The following ZBTB38 variants were observed in gnomAD, a reference collection of about 807,000 sequenced individuals.
The protein encoded by ZBTB38 is zinc finger and BTB domain containing 38.
In ZBTB38, 20 loss-of-function variants were observed where a neutral mutation model predicts 76.8. That is an observed-to-expected ratio of 0.26 (90% CI 0.18 to 0.38). The LOEUF (loss-of-function observed/expected upper bound fraction) is 0.38. Ranked by LOEUF, ZBTB38 falls within the 10% of genes least tolerant of loss-of-function variation. ZBTB38 has a pLI of 1.00. For missense variants in ZBTB38, 1,082 were observed against 1,482.3 expected, an observed-to-expected ratio of 0.73 and a Z score of 4.43; for synonymous variants, 504 against 544.2, an observed-to-expected ratio of 0.93 and a Z score of 1.03.
chr3:141,444,797 C>T lies in ZBTB38; in HGVS notation c.2409C>T (p.Ser803=). ...NYVADPGGSL[S]KTTNIAEETS... ...TTGCTGATCCTGGAGGATCACTGAG[C>T]AAAACCACAAATATTGCTGAAGAAA... is the stretch of plus-strand genomic sequence containing the variant. The change falls in exon 6 of 6, where the codon AGC becomes AGT. Residue 803 remains serine, a synonymous_variant. Transcript: ENST00000321464. This position sits in a 1 kb window ranked among gnomAD's most constrained non-coding sequence, Gnocchi z 5.1. 4 of 1,614,124 alleles carry T rather than the reference C, an allele frequency of 2.5e-6. No individual in the cohort carries two copies. Among genetic ancestry groups the T allele is most frequent in the Non-Finnish European group, 3.4e-6 (4 of 1,180,032 alleles).
chr3:141,329,107 C>A (rs1942764860), intron 1 of ZBTB38, among the ~76,000 whole-genome samples: 3 of 152,168 alleles, frequency 2.0e-5, no homozygotes, highest in Admixed American at 2.0e-4. Flanking sequence ...AAGAAAAAAA[C>A]CCCGCCTCCT....
intron 5 of ZBTB38, among the ~76,000 whole-genome samples, chr3:141,435,667 G>A (rs561123027): frequency 7.8e-4 from 119 of 151,716 alleles, no homozygotes; most frequent in Non-Finnish European, 1.6e-3. Context: ...GGCTGAGGCA[G>A]AAGAATTGCT....
chr3:141,431,834 G>A (rs773103225), intron 5 of ZBTB38: 9 of 152,398 alleles, frequency 5.9e-5, no homozygotes, highest in African/African-American at 1.2e-4. Flanking sequence ...CCTGTCACAC[G>A]ATGCCTTCTT....
At chr3:141,395,173 G>A (rs1950050061) in intron 4 of ZBTB38, among the ~76,000 whole-genome samples, 1 of 152,234 alleles carries the variant, frequency 6.6e-6, no homozygotes, top group Non-Finnish European at 1.5e-5. Flanking sequence ...AAGGTATTCT[G>A]TTGGGCATGG....
chr3:141,357,094 C>G (rs114299860), intron 1 of ZBTB38, among the ~76,000 whole-genome samples: 2,925 of 152,308 alleles, frequency 0.019, 41 homozygotes, highest in Non-Finnish European at 0.028. Flanking sequence ...GACCATTAGG[C>G]ATATTCTTAA....
intron 2 of ZBTB38, among the ~76,000 whole-genome samples, chr3:141,374,483 G>T (rs561100103): frequency 3.9e-5 from 6 of 152,298 alleles, no homozygotes; most frequent in Admixed American, 1.3e-4. Context: ...CATTGACCTT[G>T]GGTAGTGCCT....
At chr3:141,429,409 G>T (rs1173461695) in intron 5 of ZBTB38, among the ~76,000 whole-genome samples, 6 of 152,050 alleles carry the variant, frequency 3.9e-5, no homozygotes, top group African/African-American at 1.4e-4. Context: ...TTGCTTTTTT[G>T]GGGATCGTGA....
rs1293605039 is a variant in ZBTB38, at chr3:141,444,480, A to G, written c.2092A>G (p.Asn698Asp). ...AGDVPVLSLS[N>D]SSENAASVIS... ...GGATGTACCTGTTTTATCTTTGAGT[A>G]ATAGCAGTGAGAATGCCGCCTCTGT... The change falls in exon 6 of 6, where the codon AAT (asparagine) becomes GAT (aspartate). Residue 698 changes from asparagine (N) to aspartate (D), a missense_variant. By Grantham distance (23) the Asn-to-Asp change is conservative. This residue lies in a region of ZBTB38 where 471 missense variants were observed against 581.0 expected (regional missense o/e 0.81). Coordinates refer to ENST00000321464, the MANE Select transcript of ZBTB38 (RefSeq NM_001376113.1). The surrounding 1 kb of genome is among the most constrained non-coding windows in gnomAD (Gnocchi z 5.1). The G allele has an allele frequency of 6.2e-7, 1 of 1,614,128 alleles. No individual in the cohort carries two copies. The highest frequency in any genetic ancestry group is 8.5e-7 in the Non-Finnish European group (1 of 1,180,016).
At chr3:141,416,038 A>G (rs927144617) in intron 5 of ZBTB38, among the ~76,000 whole-genome samples, 1 of 152,146 alleles carries the variant, frequency 6.6e-6, no homozygotes, top group African/African-American at 2.4e-5. Flanking sequence ...GGACCCTTGT[A>G]GGTGGTGAAA....
intron 5 of ZBTB38, chr3:141,426,261 G>A: frequency 1.8e-6 from 2 of 1,142,636 alleles, no homozygotes; most frequent in South Asian, 2.6e-5. Context: ...AAGCACACCT[G>A]CCCAGACCCT....
rs1438825355 is a variant in ZBTB38 at position 141,444,218 on chromosome 3, C to T, written c.1830C>T (p.Ser610=). The T allele has an allele frequency of 2.5e-6, 4 of 1,614,204 alleles. No individual in the cohort carries two copies. Among genetic ancestry groups the T allele is most frequent in the Non-Finnish European group, 3.4e-6 (4 of 1,180,040 alleles). ...CCTATGTTGTTCAGAATCCACACAG[C>T]TCTGAATTACCAACGCTGAATTTCC... is the stretch of plus-strand genomic sequence containing the variant. ...PGTYVVQNPH[S]SELPTLNFQD... is the part of the protein sequence containing the mutation. The change falls in exon 6 of 6, where the codon AGC becomes AGT. Residue 610 remains serine (S), a synonymous_variant. Coordinates refer to ENST00000321464, the MANE Select transcript of ZBTB38 (RefSeq NM_001376113.1). The surrounding 1 kb of genome is among the most constrained non-coding windows in gnomAD (Gnocchi z 5.1).
chr3:141,378,579 T>C (rs1191174340), intron 2 of ZBTB38, among the ~76,000 whole-genome samples: 1 of 152,268 alleles, frequency 6.6e-6, no homozygotes, highest in East Asian at 1.9e-4. Flanking sequence ...TTTTTAAAAG[T>C]TGTTAAAACT....
At chr3:141,394,205 A>G (rs958175958) in intron 4 of ZBTB38, 2 of 151,970 alleles carry the variant, frequency 1.3e-5, no homozygotes, top group African/African-American at 4.8e-5. Flanking sequence ...TTTAGTACAG[A>G]CGGGGTTTCA....
At chr3:141,339,844 C>T (rs991588479) in intron 1 of ZBTB38, among the ~76,000 whole-genome samples, 3 of 152,138 alleles carry the variant, frequency 2.0e-5, no homozygotes, top group Non-Finnish European at 2.9e-5. Flanking sequence ...GAAAAGAGTC[C>T]GGGCTAGAGA....
chr3:141,431,341 A>AATAGATATATATATATATATATAT (rs2077531928), intron 5 of ZBTB38, among the ~76,000 whole-genome samples: 2 of 103,296 alleles, frequency 1.9e-5, no homozygotes, highest in Non-Finnish European at 3.4e-5. Flanking sequence ...AAAAAAAAAA[A>AATAGATATATATATATATATATAT]ATATATATAT....
At chr3:141,433,636 A>AC (rs2078098520) in intron 5 of ZBTB38, among the ~76,000 whole-genome samples, 1 of 152,216 alleles carries the variant, frequency 6.6e-6, no homozygotes, top group South Asian at 2.1e-4. Context: ...ATTTTTTAAA[A>AC]CAAAAAAATA....
At chr3:141,400,641 G>T (rs1413969825) in intron 4 of ZBTB38, among the ~76,000 whole-genome samples, 1 of 152,188 alleles carries the variant, frequency 6.6e-6, no homozygotes, top group South Asian at 2.1e-4. Context: ...TAGGAACTTA[G>T]AACTCTGAAT....
chr3:141,340,035 C>T (rs1409279641), intron 1 of ZBTB38, among the ~76,000 whole-genome samples: 1 of 152,150 alleles, frequency 6.6e-6, no homozygotes, highest in African/African-American at 2.4e-5. Context: ...TGGTTTGCTC[C>T]GAGCCCTGCA....
intron 1 of ZBTB38, among the ~76,000 whole-genome samples, chr3:141,333,601 C>T (rs1942918545): frequency 6.6e-6 from 1 of 152,130 alleles, no homozygotes; most frequent in Non-Finnish European, 1.5e-5. Flanking sequence ...GAAGCACCAA[C>T]AGGGCTGGCT....
Sources: allele counts gnomAD v4.1 joint callset (sites outside exome capture counted in the v4.1 genomes callset), GRCh38; gene constraint gnomAD v4.1.1; regional missense constraint gnomAD v4.1.1; non-coding constraint Gnocchi (gnomAD v3.1); transcripts MANE v1.5; gene names NCBI Gene and HGNC (gene_info 2026-07-23, HGNC 2026-07-21).